Variants in GOSR1 observed in about 807,000 individuals in gnomAD.
The protein encoded by GOSR1 is golgi SNAP receptor complex member 1.
A neutral mutation model predicts 35.5 loss-of-function variants in GOSR1; 21 were observed. The ratio of observed to expected loss-of-function variants is 0.59; its 90% confidence interval spans 0.42 to 0.85. The LOEUF is 0.85. Ranked by LOEUF, GOSR1 falls within the 40% of genes least tolerant of loss-of-function variation. The pLI is 0.00. For missense variants in GOSR1, 285 were observed against 309.6 expected (o/e 0.92, Z 0.60); for synonymous variants, 94 against 106.6 (o/e 0.88, Z 0.73).
At chr17:30,515,464 A>G (rs1352331714) in intron 7 of GOSR1, among the ~76,000 whole-genome samples, 1 of 152,012 alleles carries the variant, frequency 6.6e-6, no homozygotes, top group African/African-American at 2.4e-5. Context: ...GGGGACTTCA[A>G]ATTGCCAGAC....
intron 7 of GOSR1, among the ~76,000 whole-genome samples, chr17:30,515,869 G>A (rs1967788907): frequency 6.6e-6 from 1 of 152,170 alleles, no homozygotes; most frequent in African/African-American, 2.4e-5. Flanking sequence ...AGGCCTAAAA[G>A]TATTGGGAAG....
chr17:30,477,678 G>A (rs1312169792), intron 1 of GOSR1: 2 of 985,192 alleles, frequency 2.0e-6, no homozygotes, highest in Admixed American at 6.2e-5. Flanking sequence ...GCGGGACGTG[G>A]GGCAGGGGTT....
chr17:30,519,647 G>T, intron 7 of GOSR1: 1 of 233,898 alleles, frequency 4.3e-6, no homozygotes, highest in Non-Finnish European at 8.2e-6. Flanking sequence ...ATTTTAAGAA[G>T]CTTTTGTAAT....
intron 6 of GOSR1, among the ~76,000 whole-genome samples, chr17:30,507,347 C>T (rs1967437071): frequency 6.6e-6 from 1 of 152,122 alleles, no homozygotes; most frequent in Non-Finnish European, 1.5e-5. Flanking sequence ...TCATGAATAA[C>T]TTTGAGGGGT....
chr17:30,499,990 T>C (rs1230586515), intron 6 of GOSR1, among the ~76,000 whole-genome samples: 1 of 152,224 alleles, frequency 6.6e-6, no homozygotes, highest in Non-Finnish European at 1.5e-5. Flanking sequence ...TCTTCTTTAG[T>C]AAGGGGGTCT....
rs1597753635 is a variant in GOSR1, at chr17:30,481,210, A to G, written c.99A>G (p.Leu33=). Residue 33 remains leucine, a synonymous_variant, in exon 2 of 9, where the codon CTA becomes CTG. Coordinates refer to ENST00000451249, the MANE Select transcript of GOSR1 (RefSeq NM_001007025.2). The part of the protein sequence containing the change: ...LDLKLVSFSK[L]CTSYSHSSTR... ...TGAAACTAGTTTCCTTCAGCAAACT[A>G]TGTACAAGTTACAGTCATAGCAGTA... The G allele has an allele frequency of 1.9e-6, 3 of 1,605,244 alleles. No homozygotes were observed. Among genetic ancestry groups the G allele is most frequent in the South Asian group, 1.1e-5 (1 of 90,922 alleles).
chr17:30,490,187 A>C lies in GOSR1; in HGVS notation c.404A>C (p.Asn135Thr), dbSNP rs1439486579. The change falls in exon 5 of 9, where the codon AAT (asparagine) becomes ACT (threonine). Residue 135 changes from asparagine (N) to threonine (T), a missense_variant. Physicochemically the swap from Asn to Thr is moderately conservative, Grantham distance 65. Coordinates refer to ENST00000451249, the MANE Select transcript of GOSR1 (RefSeq NM_001007025.2). ...TTTATGGCAATACGGGAAAGGGAGA[A>C]TCTTATGGGATCAGTACGAAAAGAT... ...ANFMAIRERE[N>T]LMGSVRKDIE... 1.3e-6 allele frequency: 2 copies of C among 1,540,962 alleles called. No homozygotes were observed. Among genetic ancestry groups the C allele is most frequent in the Non-Finnish European group, 1.8e-6 (2 of 1,113,578 alleles).
At chr17:30,500,365 A>G (rs1967156757) in intron 6 of GOSR1, among the ~76,000 whole-genome samples, 1 of 152,146 alleles carries the variant, frequency 6.6e-6, no homozygotes, top group Non-Finnish European at 1.5e-5. Flanking sequence ...TAGCTTTAAC[A>G]TTAGGTTTAT....
chr17:30,512,508 A>G (rs555445977), intron 7 of GOSR1, among the ~76,000 whole-genome samples: 2 of 152,294 alleles, frequency 1.3e-5, no homozygotes, highest in East Asian at 3.9e-4. Context: ...GGCTTCATGG[A>G]TTCTTTATTC....
chr17:30,515,285 G>A (rs1017211299), intron 7 of GOSR1, among the ~76,000 whole-genome samples: 2 of 143,760 alleles, frequency 1.4e-5, no homozygotes, highest in Non-Finnish European at 3.0e-5. Context: ...ACACCACCAT[G>A]CCCAGCTAAT....
chr17:30,505,642 G>A (rs1322305969), intron 6 of GOSR1, among the ~76,000 whole-genome samples: 1 of 152,214 alleles, frequency 6.6e-6, no homozygotes, highest in East Asian at 1.9e-4. Flanking sequence ...ATAGCGATCA[G>A]TGATCTTTGA....
intron 6 of GOSR1, among the ~76,000 whole-genome samples, chr17:30,493,474 A>C (rs913238446): frequency 6.6e-6 from 1 of 152,222 alleles, no homozygotes; most frequent in African/African-American, 2.4e-5. Flanking sequence ...TTTTGTAATT[A>C]CAAATACTTG....
At chr17:30,491,950 G>C (rs1915072466) in intron 5 of GOSR1, among the ~76,000 whole-genome samples, 1 of 151,948 alleles carries the variant, frequency 6.6e-6, no homozygotes, top group African/African-American at 2.4e-5. Flanking sequence ...TGCTTTCCTT[G>C]GTGGTGGTTT....
chr17:30,518,082 C>A (rs1025778278), intron 7 of GOSR1, among the ~76,000 whole-genome samples: 3 of 152,186 alleles, frequency 2.0e-5, no homozygotes, highest in Non-Finnish European at 4.4e-5. Context: ...GCAGTCCTTT[C>A]CCAGCTTCAG....
chr17:30,482,046 G>A (rs1352791705), intron 2 of GOSR1, among the ~76,000 whole-genome samples: 1 of 151,928 alleles, frequency 6.6e-6, no homozygotes, highest in African/African-American at 2.4e-5. Context: ...GAACCCCCAT[G>A]ACCCTATCTC....
intron 7 of GOSR1, among the ~76,000 whole-genome samples, chr17:30,517,213 C>T (rs1320056834): frequency 3.9e-5 from 6 of 152,012 alleles, no homozygotes; most frequent in Admixed American, 2.6e-4. Context: ...TATATATTAT[C>T]GAAGTACATT....
intron 7 of GOSR1, among the ~76,000 whole-genome samples, chr17:30,511,957 A>C (rs1468026793): frequency 6.6e-6 from 1 of 152,244 alleles, no homozygotes; most frequent in African/African-American, 2.4e-5. Flanking sequence ...CAAAACAAAA[A>C]AGAAATTAAG....
At chr17:30,522,009 C>T (rs181029048) in intron 8 of GOSR1, among the ~76,000 whole-genome samples, 5 of 152,256 alleles carry the variant, frequency 3.3e-5, no homozygotes, top group Non-Finnish European at 5.9e-5. Context: ...CTCCCTCTCT[C>T]TCTATTACTA....
chr17:30,499,024 A>C (rs1447107423), intron 6 of GOSR1, among the ~76,000 whole-genome samples: 1 of 152,176 alleles, frequency 6.6e-6, no homozygotes, highest in Non-Finnish European at 1.5e-5. Context: ...CCCGTCCCTC[A>C]GTCCCGGGCA....
Sources: gnomAD v4.1 joint callset for allele counts (sites outside exome capture counted in the v4.1 genomes callset) on GRCh38, gnomAD v4.1.1 for gene constraint, MANE v1.5 for transcripts, NCBI Gene and HGNC (gene_info 2026-07-23, HGNC 2026-07-21) for gene names.